DISC1: variants seen among roughly 807,000 people sequenced by gnomAD.
The protein encoded by DISC1 is DISC1 scaffold protein, also known as disrupted in schizophrenia 1 protein.
In DISC1, 57 loss-of-function variants were observed where a neutral mutation model predicts 84.5. That is an observed-to-expected ratio of 0.67 (90% CI 0.55 to 0.84). The LOEUF is 0.84. Among genes scored for constraint, DISC1 ranks in the 40% least tolerant of loss-of-function variants. DISC1 has a pLI of 0.00. For missense variants in DISC1, 1,000 were observed against 1,057.8 expected (o/e 0.95, Z 0.76); for synonymous variants, 411 against 415.2 (o/e 0.99, Z 0.12).
intron 8 of DISC1, among the ~76,000 whole-genome samples, chr1:231,800,451 T>C (rs2079141024): frequency 6.6e-6 from 1 of 152,180 alleles, no homozygotes; most frequent in Non-Finnish European, 1.5e-5. Context: ...ATGTACTCTG[T>C]GTGCCATATG....
At chr1:231,652,976 C>T (rs1464559696) in intron 1 of DISC1, among the ~76,000 whole-genome samples, 1 of 152,136 alleles carries the variant, frequency 6.6e-6, no homozygotes, top group Non-Finnish European at 1.5e-5. Context: ...GACGGGGTTT[C>T]ACCATGTTGG....
rs79044725 is a variant in DISC1 at position 232,005,537 on chromosome 1, T to A, written c.2043-3248T>A. 0.013 allele frequency among the ~76,000 whole-genome samples: 2,021 copies of A among 152,308 alleles called. 78 individuals carry two copies. The East Asian group carries it at 0.15, about 11-fold the overall frequency. ...TAGGTATGTGTTTTCTTTGATCTTT[T>A]CCTATTTTGAGTTGTAGTGTTTCCT... On this transcript the variant is annotated intron_variant, in intron 10 of 12. Coordinates refer to ENST00000439617, the MANE Select transcript of DISC1 (RefSeq NM_018662.3).
At chr1:231,851,450 G>T (rs1223360977) in intron 9 of DISC1, among the ~76,000 whole-genome samples, 2 of 152,212 alleles carry the variant, frequency 1.3e-5, no homozygotes, top group African/African-American at 2.4e-5. Context: ...GCCCTGAGCA[G>T]CAGGAAACTG....
chr1:231,714,834 C>G (rs952345353), intron 3 of DISC1, among the ~76,000 whole-genome samples: 1 of 152,134 alleles, frequency 6.6e-6, no homozygotes, highest in African/African-American at 2.4e-5. Context: ...ATGAATCTAT[C>G]TTAAGAAATT....
rs566289442 is a variant in DISC1 at position 232,012,654 on chromosome 1, AG to A, written c.2307+3606del. Among the ~76,000 whole-genome samples, 41 of 152,312 alleles carry A rather than the reference AG, an allele frequency of 2.7e-4. No homozygotes were observed. The East Asian group carries it at 7.9e-3, about 29-fold the overall frequency. On this transcript the variant is annotated intron_variant, in intron 11 of 12. Transcript: ENST00000439617. ...CCATGAAAAATTACTGACTTCTTAT[AG>A]AGGTCCACAGGAAGATGAGTTTTCA...
Position 231,713,709 on chromosome 1 carries a change from T to TATAGGAG in DISC1, c.1117+11688_1117+11689insGGAGATA, listed in dbSNP as rs1558400834. 9.7e-4 allele frequency among the ~76,000 whole-genome samples: 70 copies of TATAGGAG among 71,884 alleles called. 1 individual carries two copies. The highest frequency in any genetic ancestry group is 2.8e-3 in the African/African-American group (68 of 24,450). 47.2% of individuals were successfully genotyped at this position (71,884 alleles called of 152,430 possible). A position where few individuals can be genotyped will look rare whatever the true frequency, so the allele number is the denominator to read the frequency against. On this transcript the variant is annotated intron_variant, in intron 3 of 12. Coordinates refer to ENST00000439617, the MANE Select transcript of DISC1 (RefSeq NM_018662.3). ...TATATATATATATATAGGAGATATA[T>TATAGGAG]ATATATATATATATAGGAGATATAT...
intron 9 of DISC1, among the ~76,000 whole-genome samples, chr1:231,884,181 C>A (rs1246168362): frequency 6.6e-6 from 1 of 152,154 alleles, no homozygotes; most frequent in Non-Finnish European, 1.5e-5. Context: ...GTGGCAACCT[C>A]CGAGTGTGAG....
At chr1:232,002,082 C>A (rs1440467019) in intron 10 of DISC1, among the ~76,000 whole-genome samples, 1 of 152,148 alleles carries the variant, frequency 6.6e-6, no homozygotes, top group East Asian at 1.9e-4. Context: ...AAATACACCT[C>A]ACTGAAGAGG....
chr1:231,881,932 T>C (rs1411044802), intron 9 of DISC1, among the ~76,000 whole-genome samples: 2 of 152,196 alleles, frequency 1.3e-5, no homozygotes, highest in Non-Finnish European at 1.5e-5. Flanking sequence ...CTCTGCTTCA[T>C]TGATGAGCAT....
chr1:231,721,146 T>C, intron 3 of DISC1: 1 of 1,251,212 alleles, frequency 8.0e-7, no homozygotes, highest in Non-Finnish European at 1.0e-6. Flanking sequence ...CCTACCTTGC[T>C]GGGCTGATGA....
At chr1:231,888,254 C>T (rs931387435) in intron 9 of DISC1, among the ~76,000 whole-genome samples, 7 of 152,210 alleles carry the variant, frequency 4.6e-5, no homozygotes, top group South Asian at 2.1e-4. Context: ...AGCAACTGCA[C>T]GGCGTCTGGA....
At chr1:231,754,912 G>A (rs971412263) in intron 4 of DISC1, among the ~76,000 whole-genome samples, 1 of 152,068 alleles carries the variant, frequency 6.6e-6, no homozygotes, top group Admixed American at 6.5e-5. Context: ...GGAGTTGTCT[G>A]TATACTATGC....
chr1:232,009,340 G>A lies in DISC1; in HGVS notation c.2307+291G>A, dbSNP rs1667818054. 1 of 1,066,518 alleles carries A rather than the reference G, an allele frequency of 9.4e-7. No homozygotes were observed. Among genetic ancestry groups the A allele is most frequent in the Admixed American group, 4.3e-5 (1 of 23,262 alleles). 66.1% of individuals were successfully genotyped at this position (1,066,518 alleles called of 1,614,324 possible). A position where few individuals can be genotyped will look rare whatever the true frequency, so the allele number is the denominator to read the frequency against. On this transcript the variant is annotated intron_variant, in intron 11 of 12. Transcript: ENST00000439617. This position sits in a 1 kb window ranked among gnomAD's most constrained non-coding sequence, Gnocchi z 4.6. ...GTCTAATATAGAATTACCATATATA[G>A]CATACATTATATATGTCATATATAA...
chr1:231,683,286 C>T (rs2063870313), intron 1 of DISC1, among the ~76,000 whole-genome samples: 1 of 152,098 alleles, frequency 6.6e-6, no homozygotes, highest in Non-Finnish European at 1.5e-5. Context: ...AAAACAAAGC[C>T]TTCCAGTCCT....
chr1:231,635,060 A>G (rs2059080618), intron 1 of DISC1, among the ~76,000 whole-genome samples: 1 of 152,096 alleles, frequency 6.6e-6, no homozygotes, highest in Non-Finnish European at 1.5e-5. Context: ...CCTCTTCAGA[A>G]GGTGTTCCAG....
chr1:231,805,048 G>A (rs78855269), intron 8 of DISC1, among the ~76,000 whole-genome samples: 2,673 of 152,252 alleles, frequency 0.018, 39 homozygotes, highest in Admixed American at 0.027. Context: ...ATTTTTGGAA[G>A]AACCATGATG....
chr1:231,731,234 A>G (rs191491505), intron 3 of DISC1, among the ~76,000 whole-genome samples: 1 of 152,258 alleles, frequency 6.6e-6, no homozygotes. Context: ...TTTGCCCAGG[A>G]AAGAATTCAA....
chr1:231,703,425 A>G (rs1573019194), intron 3 of DISC1, among the ~76,000 whole-genome samples: 1 of 152,314 alleles, frequency 6.6e-6, no homozygotes, highest in Middle Eastern at 3.4e-3. Flanking sequence ...CACCTGCTGG[A>G]TTTCATCTAT....
At chr1:231,900,508 T>C (rs574620529) in intron 9 of DISC1, among the ~76,000 whole-genome samples, 1 of 152,334 alleles carries the variant, frequency 6.6e-6, no homozygotes, top group South Asian at 2.1e-4. Context: ...GACATTAGTT[T>C]GCTAAATGAC....
Sources: gnomAD v4.1 joint callset for allele counts (sites outside exome capture counted in the v4.1 genomes callset) on GRCh38, gnomAD v4.1.1 for gene constraint, Gnocchi (gnomAD v3.1) non-coding constraint, MANE v1.5 for transcripts, NCBI Gene and HGNC (gene_info 2026-07-23, HGNC 2026-07-21) for gene names.